CNTN4: variants seen among roughly 807,000 people sequenced by gnomAD.
CNTN4 encodes contactin-4.
In CNTN4, 77 loss-of-function variants were observed where a neutral mutation model predicts 122.5. The ratio of observed to expected loss-of-function variants is 0.63; its 90% confidence interval spans 0.52 to 0.76. The LOEUF (loss-of-function observed/expected upper bound fraction) is 0.76. CNTN4 is among the 30% of genes least tolerant of loss of function. The pLI is 0.00. For missense variants in CNTN4, 1,256 were observed against 1,259.1 expected, an observed-to-expected ratio of 1.00 and a Z score of 0.04; for synonymous variants, 512 against 447.0, an observed-to-expected ratio of 1.15 and a Z score of -1.83.
At position 2,446,895 on chromosome 3, in the gene CNTN4, G is replaced by A. The variant is rs144930954; in HGVS notation, c.-89+107662G>A. Among the ~76,000 whole-genome samples the A allele has an allele frequency of 6.6e-5, 10 of 152,202 alleles. No individual in the cohort carries two copies. The East Asian group carries it at 7.7e-4, about 12-fold the overall frequency. On this transcript the variant is annotated intron_variant, in intron 3 of 24. Coordinates refer to ENST00000418658, the MANE Select transcript of CNTN4 (RefSeq NM_175607.3). ...CTAGCCTAATGTAAACAATATAATC[G>A]TTCTTCCCTTATTTACTTTATTTGT...
At chr3:2,390,219 T>TGTGA (rs1310006665) in intron 3 of CNTN4, among the ~76,000 whole-genome samples, 1 of 145,732 alleles carries the variant, frequency 6.9e-6, no homozygotes, top group Admixed American at 6.9e-5. Flanking sequence ...AAAAAGAGTG[T>TGTGA]GTGTGTGTGT....
intron 2 of CNTN4, among the ~76,000 whole-genome samples, chr3:2,170,646 T>G (rs757639724): frequency 2.0e-5 from 3 of 152,120 alleles, no homozygotes; most frequent in Non-Finnish European, 4.4e-5. Flanking sequence ...TGAACCTAAA[T>G]TTGATTTGGA....
intron 7 of CNTN4, among the ~76,000 whole-genome samples, chr3:2,820,837 C>T (rs138492256): frequency 1.7e-4 from 26 of 151,700 alleles, no homozygotes; most frequent in Admixed American, 7.2e-4. Context: ...ATAGAATCTA[C>T]GATCACTTTG....
chr3:2,291,768 C>G (rs961005068), intron 2 of CNTN4, among the ~76,000 whole-genome samples: 2 of 151,972 alleles, frequency 1.3e-5, no homozygotes, highest in African/African-American at 4.8e-5. Context: ...GAGTCTCGCT[C>G]TGTTGTGCAG....
intron 4 of CNTN4, among the ~76,000 whole-genome samples, chr3:2,716,047 CT>C (rs2087476957): frequency 6.6e-6 from 1 of 152,094 alleles, no homozygotes; most frequent in Non-Finnish European, 1.5e-5. Flanking sequence ...TCACTGCAGC[CT>C]CAACCTCCTG....
Position 2,452,760 on chromosome 3 carries a change from C to T in CNTN4, c.-89+113527C>T, listed in dbSNP as rs117079708. ...GTATATGAGAGACAGTGTCTTATTA[C>T]TCAGCTTATTTCCTAATCCTCGTAT... On this transcript the variant is annotated intron_variant, in intron 3 of 24. Transcript: ENST00000418658. Among the ~76,000 whole-genome samples the T allele has an allele frequency of 4.1e-4, 62 of 152,156 alleles. 1 individual carries two copies. In the East Asian group the frequency reaches 0.011, roughly 26 times the overall value.
chr3:2,491,741 A>G lies in CNTN4; in HGVS notation c.-88-79675A>G, dbSNP rs139030847. 2.5e-3 allele frequency among the ~76,000 whole-genome samples: 380 copies of G among 152,292 alleles called. 4 individuals are homozygous for G. The highest frequency in any genetic ancestry group is 8.9e-3 in the African/African-American group (368 of 41,566). On this transcript the variant is annotated intron_variant, in intron 3 of 24. Coordinates refer to ENST00000418658, the MANE Select transcript of CNTN4 (RefSeq NM_175607.3). ...GCCTTTGATATTCAGTATGGTAGAA[A>G]TGCCCTTAAAGACATATATAGTCTC...
intron 3 of CNTN4, among the ~76,000 whole-genome samples, chr3:2,359,640 C>T (rs1445109987): frequency 8.5e-5 from 13 of 152,076 alleles, no homozygotes; most frequent in African/African-American, 2.9e-4. Flanking sequence ...CCCGAATTCA[C>T]GCCATTCTCC....
intron 6 of CNTN4, among the ~76,000 whole-genome samples, chr3:2,767,019 T>G (rs1165775037): frequency 6.6e-6 from 1 of 152,144 alleles, no homozygotes; most frequent in African/African-American, 2.4e-5. Context: ...CAAAGCTCAC[T>G]AGGATGCAAT....
At position 3,042,412 on chromosome 3, in the gene CNTN4, A is replaced by C. The variant is rs1333956224; in HGVS notation, c.2501A>C (p.Gln834Pro). The change falls in exon 21 of 25, where the codon CAA (glutamine) becomes CCA (proline). Residue 834 changes from glutamine (Q) to proline (P), a missense_variant. Gln to Pro is a moderately conservative substitution (Grantham distance 76). Coordinates refer to ENST00000418658, the MANE Select transcript of CNTN4 (RefSeq NM_175607.3). ...SPLEKNRGRI[Q>P]GYEVKYWRHE... is the part of the protein sequence containing the mutation. ...CTGGAGAAGAATAGAGGACGAATACAAGGTTATGAGGTAGGCAAGACATAT... is the reference window on the plus strand; with the variant it reads ...CTGGAGAAGAATAGAGGACGAATACCAGGTTATGAGGTAGGCAAGACATAT... 6.2e-7 allele frequency: 1 copy of C among 1,608,612 alleles called. No individual in the cohort carries two copies. The highest frequency in any genetic ancestry group is 8.5e-7 in the Non-Finnish European group (1 of 1,174,990).
Position 2,165,832 on chromosome 3 carries a change from T to C in CNTN4, c.-145+65193T>C, listed in dbSNP as rs533703249. 4.6e-5 allele frequency among the ~76,000 whole-genome samples: 7 copies of C among 152,302 alleles called. No homozygotes were observed. In the South Asian group the frequency reaches 1.5e-3, roughly 32 times the overall value. ...TACTTCACTTTGCATAATAATGTCC[T>C]CTAGGCTCATTGATGTTGCAACTGG... On this transcript the variant is annotated intron_variant, in intron 2 of 24. Coordinates refer to ENST00000418658, the MANE Select transcript of CNTN4 (RefSeq NM_175607.3).
chr3:2,974,621 C>T (rs1447989336), intron 13 of CNTN4, among the ~76,000 whole-genome samples: 4 of 152,118 alleles, frequency 2.6e-5, no homozygotes, highest in South Asian at 2.1e-4. Context: ...AATGGAGAGA[C>T]GTCAGTTCAG....
intron 3 of CNTN4, among the ~76,000 whole-genome samples, chr3:2,566,167 T>A (rs559776234): frequency 6.6e-6 from 1 of 152,258 alleles, no homozygotes; most frequent in African/African-American, 2.4e-5. Flanking sequence ...AAAAGCCAAG[T>A]TAGAGAGAAA....
chr3:2,379,372 A>C (rs2045936171), intron 3 of CNTN4, among the ~76,000 whole-genome samples: 1 of 152,066 alleles, frequency 6.6e-6, no homozygotes, highest in Non-Finnish European at 1.5e-5. Context: ...GGAAAACTAT[A>C]AGGTTACAGA....
chr3:2,242,316 A>T (rs2149618628), intron 2 of CNTN4, among the ~76,000 whole-genome samples: 2 of 152,198 alleles, frequency 1.3e-5, no homozygotes, highest in South Asian at 4.1e-4. Flanking sequence ...GTTTCATCTG[A>T]TTTGGTCCAC....
intron 2 of CNTN4, among the ~76,000 whole-genome samples, chr3:2,322,132 C>T (rs1018261304): frequency 6.6e-6 from 1 of 152,122 alleles, no homozygotes; most frequent in Non-Finnish European, 1.5e-5. Context: ...CATTAGATTA[C>T]TCTATCTATT....
Position 2,745,634 on chromosome 3 carries a change from C to T in CNTN4, c.295C>T (p.Gln99Ter), listed in dbSNP as rs1317471068. The change falls in exon 6 of 25, where the codon CAG (glutamine) becomes TAG (stop). Residue 99 changes from glutamine to a stop codon, truncating the protein, a stop_gained. Coordinates refer to ENST00000418658, the MANE Select transcript of CNTN4 (RefSeq NM_175607.3). LOFTEE classifies it high-confidence loss of function. ...PNKTQDAGTYQCTATNSFGTI... is the reference protein window; with the variant it reads ...PNKTQDAGTY ...TAAAACCCAAGATGCTGGAACGTAC[C>T]AGTGCACAGCGACAAACTCGTTTGG... 6.2e-7 allele frequency: 1 copy of T among 1,614,054 alleles called. No individual in the cohort carries two copies. Among genetic ancestry groups the T allele is most frequent in the Non-Finnish European group, 8.5e-7 (1 of 1,179,952 alleles).
At chr3:2,723,093 T>C (rs1345507315) in intron 4 of CNTN4, among the ~76,000 whole-genome samples, 3 of 152,200 alleles carry the variant, frequency 2.0e-5, no homozygotes, top group Non-Finnish European at 4.4e-5. Flanking sequence ...CATCATTCTT[T>C]CCCACTATAT....
chr3:2,626,913 A>T (rs2082211894), intron 4 of CNTN4, among the ~76,000 whole-genome samples: 2 of 152,238 alleles, frequency 1.3e-5, no homozygotes, highest in African/African-American at 4.8e-5. Context: ...ATGCCATGCA[A>T]GGGCAGTACA....
Sources: allele counts gnomAD v4.1 joint callset (sites outside exome capture counted in the v4.1 genomes callset), GRCh38; gene constraint gnomAD v4.1.1; transcripts MANE v1.5; gene names NCBI Gene and HGNC (gene_info 2026-07-23, HGNC 2026-07-21).